Variants in PGR observed in about 807,000 individuals in gnomAD.
PGR encodes progesterone receptor.
A neutral mutation model predicts 76.1 loss-of-function variants in PGR; 25 were observed. That is an observed-to-expected ratio of 0.33 (90% CI 0.24 to 0.46). The LOEUF is 0.46. Ranked by LOEUF, PGR falls within the 20% of genes least tolerant of loss-of-function variation. PGR has a pLI of 1.00. For synonymous variants in PGR, 579 were observed against 535.0 expected (o/e 1.08, Z -1.14); for missense variants, 1,172 against 1,225.3 (o/e 0.96, Z 0.65).
chr11:101,059,645 G>T (rs952996048), intron 4 of PGR, among the ~76,000 whole-genome samples: 5 of 151,722 alleles, frequency 3.3e-5, no homozygotes, highest in African/African-American at 1.2e-4. Flanking sequence ...ACCAGCCTGG[G>T]TAAAACAGTT....
At chr11:101,092,690 A>G (rs919259407) in intron 2 of PGR, among the ~76,000 whole-genome samples, 4 of 152,218 alleles carry the variant, frequency 2.6e-5, no homozygotes, top group African/African-American at 9.6e-5. Context: ...GGCACGGAAC[A>G]ATCTAATTTA....
In PGR at chr11:101,036,225, C is replaced by A. The variant is rs574528542; in HGVS notation, c.*2891G>T. On this transcript the variant is annotated 3_prime_UTR_variant, in exon 8 of 8. Transcript: ENST00000325455. The stretch of plus-strand genomic sequence containing the variant: ...AATATTGTTCATCATATTTCCATAT[C>A]ATCTGTATAGCAATAAATTATCTTA... The A allele has an allele frequency of 9.1e-6, 2 of 220,926 alleles. No homozygotes were observed. The highest frequency in any genetic ancestry group is 3.7e-4 in the South Asian group (2 of 5,430). 13.7% of individuals were successfully genotyped at this position (220,926 alleles called of 1,614,324 possible).
At position 101,049,968 on chromosome 11, in the gene PGR, C is replaced by G; in HGVS notation, c.2449G>C (p.Glu817Gln). 1 of 1,612,464 alleles carries G rather than the reference C, an allele frequency of 6.2e-7. No individual in the cohort carries two copies. The highest frequency in any genetic ancestry group is 8.5e-7 in the Non-Finnish European group (1 of 1,178,948). ...AACAATACTTTCATACAGAGGAACT[C>G]TTCTTGGCTAACTTGAAGCTTGACA... is the stretch of plus-strand genomic sequence containing the variant. ...EFVKLQVSQE[E>Q]FLCMKVLLLL... is the part of the protein sequence containing the mutation. The change falls in exon 6 of 8, where the codon GAG becomes CAG. Residue 817 changes from glutamate to glutamine, a missense_variant. Physicochemically the swap from Glu to Gln is conservative, Grantham distance 29 (BLOSUM62 2). Around this residue, in one of 4 missense-constraint regions of PGR, gnomAD observed 166 missense variants for 296.0 expected, o/e 0.56. Coordinates refer to ENST00000325455, the MANE Select transcript of PGR (RefSeq NM_000926.4).
chr11:101,050,954 A>G (rs1292578204), intron 5 of PGR: 1 of 250,222 alleles, frequency 4.0e-6, no homozygotes, highest in Non-Finnish European at 8.0e-6. Context: ...ATTACCATGA[A>G]AAGATTCTTA....
chr11:101,086,704 G>C (rs929173152), intron 3 of PGR, among the ~76,000 whole-genome samples: 1 of 151,922 alleles, frequency 6.6e-6, no homozygotes, highest in East Asian at 1.9e-4. Flanking sequence ...CCACCAAAAG[G>C]CTCCTAAAAC....
chr11:101,116,332 G>T (rs1862506259), intron 2 of PGR, among the ~76,000 whole-genome samples: 1 of 152,178 alleles, frequency 6.6e-6, no homozygotes, highest in Admixed American at 6.5e-5. Context: ...TGGCACATAT[G>T]GTCACTGGAC....
At chr11:101,121,948 T>C (rs567397715) in intron 2 of PGR, among the ~76,000 whole-genome samples, 1 of 152,158 alleles carries the variant, frequency 6.6e-6, no homozygotes, top group East Asian at 1.9e-4. Context: ...AGGCGGATCA[T>C]GAGGTTAGGA....
intron 4 of PGR, among the ~76,000 whole-genome samples, chr11:101,059,857 A>AAAAAAAAAG (rs1565337564): frequency 7.2e-6 from 1 of 138,724 alleles, no homozygotes; most frequent in Non-Finnish European, 1.6e-5. Flanking sequence ...AAAAAAAAAA[A>AAAAAAAAAG]AAAAGAAAAA....
chr11:101,044,370 T>C lies in PGR; in HGVS notation c.2489-2268A>G, dbSNP rs184545461. Among the ~76,000 whole-genome samples the C allele has an allele frequency of 7.4e-4, 112 of 152,296 alleles. 1 individual carries two copies. Among genetic ancestry groups the C allele is most frequent in the South Asian group, 1.0e-3 (5 of 4,824 alleles). On this transcript the variant is annotated intron_variant, in intron 6 of 7. Transcript: ENST00000325455. ...CCTAGTATTGAGGAGAATCAGGGCC[T>C]TCCTCTGGATGAGGCTTAGGCTTAA... is the stretch of plus-strand genomic sequence containing the variant.
At position 101,051,350 on chromosome 11, in the gene PGR, T is replaced by G. The variant is rs1448141752; in HGVS notation, c.2357+74A>C. 4.2e-6 allele frequency: 4 copies of G among 952,188 alleles called. No homozygotes were observed. The African/African-American group carries it at 6.5e-5, about 15-fold the overall frequency. The allele number at this position is 952,188 out of a possible 1,614,324, so 59.0% of individuals were successfully genotyped here. A position where few individuals can be genotyped will look rare whatever the true frequency, so the allele number is the denominator to read the frequency against. On this transcript the variant is annotated intron_variant, in intron 5 of 7. Transcript: ENST00000325455. ...CAAGAACACTAAATATGTGATCATC[T>G]ATTGAAATATAACTTTCAAAATTAT...
chr11:101,063,275 A>G (rs1225026150), intron 3 of PGR: 1 of 152,806 alleles, frequency 6.5e-6, no homozygotes, highest in Non-Finnish European at 1.5e-5. Flanking sequence ...TTTTTATACA[A>G]TTTCAGTAGG....
At chr11:101,111,499 T>C (rs533424106) in intron 2 of PGR, among the ~76,000 whole-genome samples, 1 of 152,280 alleles carries the variant, frequency 6.6e-6, no homozygotes, top group Admixed American at 6.5e-5. Flanking sequence ...CCATTTCACC[T>C]CTCAGCTTTG....
chr11:101,066,033 C>A (rs1195048419), intron 3 of PGR, among the ~76,000 whole-genome samples: 1 of 152,150 alleles, frequency 6.6e-6, no homozygotes, highest in African/African-American at 2.4e-5. Context: ...AATCTTAGTC[C>A]TTCTCACCCA....
At chr11:101,099,722 G>T (rs970602641) in intron 2 of PGR, among the ~76,000 whole-genome samples, 9 of 152,246 alleles carry the variant, frequency 5.9e-5, no homozygotes, top group Admixed American at 2.0e-4. Flanking sequence ...ACAGTTAGAG[G>T]CTCTCAGTAA....
chr11:101,098,216 TAGGAA>T (rs1591412160), intron 2 of PGR, among the ~76,000 whole-genome samples: 4 of 152,134 alleles, frequency 2.6e-5, no homozygotes, highest in African/African-American at 4.8e-5. Flanking sequence ...ATATCTTTAT[TAGGAA>T]ATAAAATATC....
intron 6 of PGR, among the ~76,000 whole-genome samples, chr11:101,047,682 G>C (rs1220271267): frequency 1.3e-5 from 2 of 152,112 alleles, no homozygotes; most frequent in Non-Finnish European, 2.9e-5. Context: ...CTCGGCCTGA[G>C]GTCTTAGCTC....
At chr11:101,114,707 C>T (rs1048918858) in intron 2 of PGR, among the ~76,000 whole-genome samples, 5 of 152,180 alleles carry the variant, frequency 3.3e-5, no homozygotes, top group South Asian at 2.1e-4. Flanking sequence ...TTCTCTGTGT[C>T]GCTTTCATCA....
intron 3 of PGR, among the ~76,000 whole-genome samples, chr11:101,088,051 T>C (rs1861552545): frequency 6.6e-6 from 1 of 151,458 alleles, no homozygotes. Context: ...ATAAAAAGTT[T>C]GCCAGGTGTG....
intron 2 of PGR, among the ~76,000 whole-genome samples, chr11:101,110,702 A>G (rs746078738): frequency 6.6e-6 from 1 of 152,152 alleles, no homozygotes; most frequent in Non-Finnish European, 1.5e-5. Context: ...AGTGACTCCA[A>G]TTTTCAAAGA....
Sources: gnomAD v4.1 joint callset for allele counts (sites outside exome capture counted in the v4.1 genomes callset) on GRCh38, gnomAD v4.1.1 for gene constraint, gnomAD v4.1.1 regional missense constraint, MANE v1.5 for transcripts, NCBI Gene and HGNC (gene_info 2026-07-23, HGNC 2026-07-21) for gene names.